The following LRRC59 variants were observed in gnomAD, a reference collection of about 807,000 sequenced individuals.
LRRC59 encodes the protein leucine-rich repeat-containing protein 59.
A neutral mutation model predicts 33.5 loss-of-function variants in LRRC59; 18 were observed. The ratio of observed to expected loss-of-function variants is 0.54; its 90% CI spans 0.37 to 0.80. LRRC59 has a LOEUF of 0.80. LRRC59 is among the 30% of genes least tolerant of loss of function. LRRC59 has a pLI of 0.00. For synonymous variants in LRRC59, 138 were observed against 160.0 expected (o/e 0.86, Z 1.04); for missense variants, 330 against 391.9 (o/e 0.84, Z 1.33).
Position 50,382,382 on chromosome 17 carries a change from C to A in LRRC59, c.*606G>T, listed in dbSNP as rs1913881381. 1 of 152,474 alleles carries A rather than the reference C, an allele frequency of 6.6e-6. No homozygotes were observed. The highest frequency in any genetic ancestry group is 1.5e-5 in the Non-Finnish European group (1 of 68,292). The allele number at this position is 152,474 out of a possible 1,614,324, so 9.4% of individuals were successfully genotyped here. A position where few individuals can be genotyped will look rare whatever the true frequency, so the allele number is the denominator to read the frequency against. ...AAACTAGCTGGGAGACTAGGCAAGT[C>A]ATGGAAGACCTCAGTTTCTCTGTCT... is the stretch of plus-strand genomic sequence containing the variant. On this transcript the variant is annotated 3_prime_UTR_variant, in exon 7 of 7. Coordinates refer to ENST00000225972, the MANE Select transcript of LRRC59 (RefSeq NM_018509.4).
chr17:50,393,855 C>CT (rs1328420395), intron 2 of LRRC59, among the ~76,000 whole-genome samples: 3 of 152,148 alleles, frequency 2.0e-5, no homozygotes, highest in Admixed American at 2.0e-4. Context: ...TGCTAACCTG[C>CT]TTTTATTTTT....
intron 4 of LRRC59, among the ~76,000 whole-genome samples, chr17:50,391,349 TAAG>T (rs1313349255): frequency 1.3e-5 from 2 of 152,232 alleles, no homozygotes; most frequent in Non-Finnish European, 2.9e-5. Flanking sequence ...GAGCTAATGA[TAAG>T]AAGTATCTTA....
intron 2 of LRRC59, among the ~76,000 whole-genome samples, chr17:50,393,206 G>T (rs924797736): frequency 6.6e-6 from 1 of 152,148 alleles, no homozygotes; most frequent in African/African-American, 2.4e-5. Context: ...GTTAGCAGCC[G>T]TTCTTCCTCA....
In LRRC59 at chr17:50,392,902, G is replaced by T; in HGVS notation, c.166-5C>A. The stretch of plus-strand genomic sequence containing the variant: ...TGTGAGGCCACAGAAATCCGACTAG[G>T]ATCCAAAGAGAGAACCTAAGCTAGG... On this transcript the variant is annotated splice_region_variant and splice_polypyrimidine_tract_variant and intron_variant, in intron 2 of 6. Coordinates refer to ENST00000225972, the MANE Select transcript of LRRC59 (RefSeq NM_018509.4). 6.2e-7 allele frequency: 1 copy of T among 1,611,254 alleles called. No individual in the cohort carries two copies. Among genetic ancestry groups the T allele is most frequent in the Middle Eastern group, 1.7e-4 (1 of 6,044 alleles).
chr17:50,387,528 G>A (rs1914038378), intron 5 of LRRC59, among the ~76,000 whole-genome samples: 1 of 152,182 alleles, frequency 6.6e-6, no homozygotes, highest in Non-Finnish European at 1.5e-5. Flanking sequence ...AGACTGTTGT[G>A]AAGAGAATGA....
intron 5 of LRRC59, among the ~76,000 whole-genome samples, chr17:50,387,066 C>T (rs1033737378): frequency 1.3e-5 from 2 of 151,838 alleles, no homozygotes; most frequent in African/African-American, 4.8e-5. Flanking sequence ...TGCAGTGAGC[C>T]GAGATCGTGC....
At position 50,381,538 on chromosome 17, in the gene LRRC59, GA is replaced by G. The variant is rs1470480912; in HGVS notation, c.*1449del. 6.5e-6 allele frequency: 1 copy of G among 153,112 alleles called. No individual in the cohort carries two copies. Among genetic ancestry groups the G allele is most frequent in the Non-Finnish European group, 1.5e-5 (1 of 68,404 alleles). The allele number at this position is 153,112 out of a possible 1,614,324, so 9.5% of individuals were successfully genotyped here. ...AGACCTACGCAGCAGAGCTATGGGG[GA>G]GAAGATTAACAAAGTCCTTTCTTCC... is the stretch of plus-strand genomic sequence containing the variant. On this transcript the variant is annotated 3_prime_UTR_variant, in exon 7 of 7. Coordinates refer to ENST00000225972, the MANE Select transcript of LRRC59 (RefSeq NM_018509.4).
chr17:50,390,851 T>C (rs1361292758), intron 4 of LRRC59, among the ~76,000 whole-genome samples: 1 of 152,254 alleles, frequency 6.6e-6, no homozygotes, highest in African/African-American at 2.4e-5. Flanking sequence ...CTAGGGACCA[T>C]GGCTTTAGTT....
chr17:50,395,134 T>A, intron 1 of LRRC59, 146 bp from the exon 2 acceptor site: 3 of 595,484 alleles, frequency 5.0e-6, no homozygotes, highest in Admixed American at 2.7e-5. Flanking sequence ...TTCCTGGGAA[T>A]AAGAGGAAAA....
chr17:50,385,082 C>T (rs756916671), intron 6 of LRRC59, 36 bp downstream of exon 6: 2 of 1,604,582 alleles, frequency 1.2e-6, no homozygotes, highest in African/African-American at 1.3e-5. Flanking sequence ...CTCCACTGTA[C>T]CCCTGCTGGA....
At position 50,385,199 on chromosome 17, in the gene LRRC59, G is replaced by T; in HGVS notation, c.595C>A (p.Arg199=). 1 of 1,614,042 alleles carries T rather than the reference G, an allele frequency of 6.2e-7. No individual in the cohort carries two copies. Among genetic ancestry groups the T allele is most frequent in the Non-Finnish European group, 8.5e-7 (1 of 1,180,022 alleles). The change falls in exon 6 of 7, where the codon CGG becomes AGG. Residue 199 remains arginine (R), a synonymous_variant. Transcript: ENST00000225972. ...KREKAEEKER[R]RKEYDALKAA... ...TTGAGGGCATCATACTCCTTTCTCC[G>T]GCGCTCCTTCTCTTCCGCCTTCTCC...
At chr17:50,388,756 G>A (rs1054788882) in intron 4 of LRRC59, among the ~76,000 whole-genome samples, 2 of 152,134 alleles carry the variant, frequency 1.3e-5, no homozygotes, top group Non-Finnish European at 2.9e-5. Flanking sequence ...ATGACCCTCA[G>A]CAACAACTTG....
At chr17:50,396,718 G>C (rs778088436) in intron 1 of LRRC59, 2 of 164,940 alleles carry the variant, frequency 1.2e-5, no homozygotes, top group Admixed American at 1.3e-4. Context: ...AGCCAAGCTG[G>C]GGGGAGACTT....
Position 50,392,906 on chromosome 17 carries a change from C to CA in LRRC59, c.166-10dup, listed in dbSNP as rs1567822355. 3 of 1,611,002 alleles carry CA rather than the reference C, an allele frequency of 1.9e-6. No homozygotes were observed. ...AGGCCACAGAAATCCGACTAGGATC[C>CA]AAAGAGAGAACCTAAGCTAGGCTTG... On this transcript the variant is annotated splice_polypyrimidine_tract_variant and intron_variant, in intron 2 of 6. Coordinates refer to ENST00000225972, the MANE Select transcript of LRRC59 (RefSeq NM_018509.4).
intron 4 of LRRC59, among the ~76,000 whole-genome samples, chr17:50,390,537 T>G (rs1282130231): frequency 6.6e-6 from 1 of 152,006 alleles, no homozygotes; most frequent in African/African-American, 2.4e-5. Flanking sequence ...AATGCAGAAA[T>G]GGGACAGATT....
chr17:50,382,661 T>C lies in LRRC59; in HGVS notation c.*327A>G, dbSNP rs1913890998. 2 of 321,660 alleles carry C rather than the reference T, an allele frequency of 6.2e-6. No homozygotes were observed. Among genetic ancestry groups the C allele is most frequent in the Non-Finnish European group, 1.2e-5 (2 of 171,902 alleles). 19.9% of individuals were successfully genotyped at this position (321,660 alleles called of 1,614,324 possible). ...AATGTAGTGACAGCTGACCATTTAG[T>C]AGAAACGAGCCTTGCCTTTACACAG... is the stretch of plus-strand genomic sequence containing the variant. On this transcript the variant is annotated 3_prime_UTR_variant, in exon 7 of 7. Transcript: ENST00000225972.
At position 50,392,775 on chromosome 17, in the gene LRRC59, CTTG is replaced by C; in HGVS notation, c.285_287del (p.Asn95del). On this transcript the variant is annotated inframe_deletion, in exon 3 of 7. Coordinates refer to ENST00000225972, the MANE Select transcript of LRRC59 (RefSeq NM_018509.4). ...CAAAGCTGACAGGCAAGGTGACCAGCTTGTTGTTGAGGAGATCCAGGTGCTGGA... is the reference window on the plus strand; with the variant it reads ...CAAAGCTGACAGGCAAGGTGACCAGCTTGTTGAGGAGATCCAGGTGCTGGA... The C allele has an allele frequency of 6.2e-7, 1 of 1,614,144 alleles. No individual in the cohort carries two copies. Among genetic ancestry groups the C allele is most frequent in the Non-Finnish European group, 8.5e-7 (1 of 1,180,028 alleles).
intron 1 of LRRC59, 151 bp from the exon 2 acceptor site, chr17:50,395,139 G>A: frequency 3.4e-6 from 2 of 587,118 alleles, no homozygotes; most frequent in Admixed American, 2.7e-5. Context: ...GGGAATAAGA[G>A]GAAAAATAAG....
Position 50,394,919 on chromosome 17 carries a change from C to A in LRRC59, c.165+10G>T. ...CACCAGAAGGAGTCACGGCTGCATG[C>A]CAATCTTACCGGTAGAGTAGTCAGT... On this transcript the variant is annotated intron_variant, in intron 2 of 6. Coordinates refer to ENST00000225972, the MANE Select transcript of LRRC59 (RefSeq NM_018509.4). The A allele has an allele frequency of 3.2e-6, 5 of 1,587,126 alleles. No individual in the cohort carries two copies. The highest frequency in any genetic ancestry group is 4.3e-6 in the Non-Finnish European group (5 of 1,160,998).
Sources: gnomAD v4.1 joint callset for allele counts (sites outside exome capture counted in the v4.1 genomes callset) on GRCh38, gnomAD v4.1.1 for gene constraint, MANE v1.5 for transcripts, NCBI Gene and HGNC (gene_info 2026-07-23, HGNC 2026-07-21) for gene names.